The following RAB22A variants were observed in gnomAD, a reference collection of about 807,000 sequenced individuals.
The protein encoded by RAB22A is RAB22A, member RAS oncogene family.
Under a neutral mutation model 30.2 loss-of-function variants are expected in RAB22A, and 13 were observed. The ratio of observed to expected loss-of-function variants is 0.43; its 90% CI spans 0.28 to 0.68. RAB22A has a LOEUF of 0.68. Among genes scored for constraint, RAB22A ranks in the 30% least tolerant of loss-of-function variants. The probability of loss-of-function intolerance (pLI) is 0.18; values close to 1 mark genes in which losing one functional copy is unlikely to be tolerated. For missense variants in RAB22A, 177 were observed against 246.8 expected, an observed-to-expected ratio of 0.72 and a Z score of 1.89; for synonymous variants, 89 against 87.2, an observed-to-expected ratio of 1.02 and a Z score of -0.11.
chr20:58,355,140 C>T (rs1987110963), intron 6 of RAB22A, among the ~76,000 whole-genome samples: 1 of 152,114 alleles, frequency 6.6e-6, no homozygotes, highest in Non-Finnish European at 1.5e-5. Flanking sequence ...GTGGATGTAG[C>T]GTTAAGATCC....
intron 2 of RAB22A, among the ~76,000 whole-genome samples, chr20:58,341,314 A>T (rs1412889646): frequency 3.3e-5 from 5 of 152,200 alleles, no homozygotes; most frequent in African/African-American, 1.2e-4. Context: ...TGCCCAGCAG[A>T]CAAAGCGTAG....
chr20:58,317,909 G>A (rs2122926790), intron 2 of RAB22A, among the ~76,000 whole-genome samples: 1 of 152,002 alleles, frequency 6.6e-6, no homozygotes, highest in African/African-American at 2.4e-5. Context: ...TGTCACCCAG[G>A]CTGAGGGACA....
In RAB22A at chr20:58,364,102, A is replaced by G. The variant is rs547981741; in HGVS notation, c.*4399A>G. ...AAATGAAAGTCTAAAAAATATGAGG[A>G]AGATATTACATTTTTCAGGAGCCTC... is the stretch of plus-strand genomic sequence containing the variant. On this transcript the variant is annotated 3_prime_UTR_variant, in exon 7 of 7. Transcript: ENST00000244040. 1 of 152,774 alleles carries G rather than the reference A, an allele frequency of 6.5e-6. No individual in the cohort carries two copies. Among genetic ancestry groups the G allele is most frequent in the South Asian group, 2.1e-4 (1 of 4,826 alleles). 9.5% of individuals were successfully genotyped at this position (152,774 alleles called of 1,614,324 possible). A position where few individuals can be genotyped will look rare whatever the true frequency, so the allele number is the denominator to read the frequency against.
At chr20:58,313,783 C>T (rs1206611530) in intron 2 of RAB22A, among the ~76,000 whole-genome samples, 2 of 152,150 alleles carry the variant, frequency 1.3e-5, no homozygotes, top group Admixed American at 1.3e-4. Context: ...GGCCTTTTTG[C>T]CCGCCTCCTG....
intron 2 of RAB22A, among the ~76,000 whole-genome samples, chr20:58,326,354 A>G (rs770720678): frequency 9.6e-4 from 146 of 152,318 alleles, no homozygotes; most frequent in South Asian, 1.9e-3. Context: ...TAATCAATAT[A>G]GATAAATTTC....
intron 2 of RAB22A, among the ~76,000 whole-genome samples, chr20:58,324,529 A>G (rs975683766): frequency 6.6e-6 from 1 of 152,120 alleles, no homozygotes; most frequent in Non-Finnish European, 1.5e-5. Context: ...CTTGAGATAG[A>G]CAGTTGTCAC....
chr20:58,310,118 G>A, intron 1 of RAB22A, 106 bp downstream of exon 1: 2 of 1,070,656 alleles, frequency 1.9e-6, no homozygotes, highest in Non-Finnish European at 2.3e-6. Context: ...CGTCCAAGAC[G>A]CTGTCTGCCA....
intron 3 of RAB22A, 119 bp downstream of exon 3, chr20:58,343,918 T>C: frequency 1.2e-6 from 1 of 825,652 alleles, no homozygotes; most frequent in South Asian, 1.6e-5. Flanking sequence ...GGAGACACAT[T>C]TATTTCCATT....
chr20:58,311,206 C>A (rs113877734), intron 2 of RAB22A, 84 bp downstream of exon 2: 9 of 1,243,706 alleles, frequency 7.2e-6, no homozygotes, highest in Non-Finnish European at 1.1e-5. Context: ...GTAGGCCCTG[C>A]GCTTTGTAGT....
chr20:58,311,261 T>G, intron 2 of RAB22A, 139 bp downstream of exon 2: 1 of 818,658 alleles, frequency 1.2e-6, no homozygotes, highest in Non-Finnish European at 2.1e-6. Context: ...TGGAAGGACT[T>G]GAAAGAGTCC....
At chr20:58,314,824 G>A (rs1425123838) in intron 2 of RAB22A, among the ~76,000 whole-genome samples, 1 of 151,720 alleles carries the variant, frequency 6.6e-6, no homozygotes, top group Non-Finnish European at 1.5e-5. Flanking sequence ...CTGGGTGACA[G>A]AGCAAGACTC....
chr20:58,312,357 CAA>C (rs1568862449), intron 2 of RAB22A, among the ~76,000 whole-genome samples: 1 of 150,226 alleles, frequency 6.7e-6, no homozygotes, highest in African/African-American at 2.5e-5. Context: ...CTCCTGGGCT[CAA>C]GTCATCCTTC....
At chr20:58,320,138 C>T (rs1342446749) in intron 2 of RAB22A, among the ~76,000 whole-genome samples, 1 of 152,174 alleles carries the variant, frequency 6.6e-6, no homozygotes, top group Non-Finnish European at 1.5e-5. Flanking sequence ...TTCTCTTCTA[C>T]TTTTTTGGAA....
intron 2 of RAB22A, among the ~76,000 whole-genome samples, chr20:58,320,691 G>C (rs1219555847): frequency 6.6e-6 from 1 of 152,152 alleles, no homozygotes; most frequent in Non-Finnish European, 1.5e-5. Flanking sequence ...TGGTGTCTTA[G>C]AAATATATTT....
rs138911578 is a variant in RAB22A, at chr20:58,353,308, G to C, written c.234G>C (p.Ser78=). 1 of 1,613,994 alleles carries C rather than the reference G, an allele frequency of 6.2e-7. No individual in the cohort carries two copies. Among genetic ancestry groups the C allele is most frequent in the Admixed American group, 1.7e-5 (1 of 60,022 alleles). Residue 78 remains serine, a synonymous_variant, in exon 4 of 7, where the codon TCG becomes TCC. Coordinates refer to ENST00000244040, the MANE Select transcript of RAB22A (RefSeq NM_020673.3). ...RALAPMYYRG[S]AAAIIVYDIT... The stretch of plus-strand genomic sequence containing the variant: ...TAGCACCAATGTACTATCGAGGGTC[G>C]GCTGCAGCTATAATCGTTTATGATA...
At chr20:58,317,763 G>T (rs1237987946) in intron 2 of RAB22A, among the ~76,000 whole-genome samples, 1 of 151,034 alleles carries the variant, frequency 6.6e-6, no homozygotes, top group Non-Finnish European at 1.5e-5. Flanking sequence ...TTTCACCATG[G>T]TCTTGATCTC....
Position 58,359,760 on chromosome 20 carries a change from G to C in RAB22A, c.*57G>C. 1 of 1,478,386 alleles carries C rather than the reference G, an allele frequency of 6.8e-7. No homozygotes were observed. The highest frequency in any genetic ancestry group is 1.2e-5 in the South Asian group (1 of 85,954). 91.6% of individuals were successfully genotyped at this position (1,478,386 alleles called of 1,614,324 possible). ...AGTAGGTGGTCCTGAAAGTTAACAG[G>C]AGGGCTGGGGTCCCTGCCACCAGTT... On this transcript the variant is annotated 3_prime_UTR_variant, in exon 7 of 7. Coordinates refer to ENST00000244040, the MANE Select transcript of RAB22A (RefSeq NM_020673.3).
intron 2 of RAB22A, among the ~76,000 whole-genome samples, chr20:58,337,274 T>C (rs908753243): frequency 6.6e-6 from 1 of 152,216 alleles, no homozygotes; most frequent in Admixed American, 6.5e-5. Flanking sequence ...AGCAACTGCC[T>C]TGGCTTGTGG....
intron 6 of RAB22A, among the ~76,000 whole-genome samples, chr20:58,355,551 G>A (rs1568682370): frequency 6.6e-6 from 1 of 152,144 alleles, no homozygotes; most frequent in African/African-American, 2.4e-5. Context: ...CGGGCATGGT[G>A]GTTGTCACCT....
Sources: gnomAD v4.1 joint callset for allele counts (sites outside exome capture counted in the v4.1 genomes callset) on GRCh38, gnomAD v4.1.1 for gene constraint, MANE v1.5 for transcripts, NCBI Gene and HGNC (gene_info 2026-07-23, HGNC 2026-07-21) for gene names.